Variants in ATRNL1 observed in about 807,000 individuals in gnomAD.
The protein encoded by ATRNL1 is attractin like 1.
In ATRNL1, 95 loss-of-function variants were observed where a neutral mutation model predicts 182.7. The observed-to-expected ratio is 0.52, with a 90% CI of 0.44 to 0.62. The LOEUF (loss-of-function observed/expected upper bound fraction) is 0.62, where lower values mean the gene tolerates loss of function less well. Ranked by LOEUF, ATRNL1 falls within the 20% of genes least tolerant of loss-of-function variation. ATRNL1 has a pLI of 0.00. For synonymous variants in ATRNL1, 576 were observed against 568.3 expected (o/e 1.01, Z -0.19); for missense variants, 1,471 against 1,679.5 (o/e 0.88, Z 2.17).
intron 19 of ATRNL1, among the ~76,000 whole-genome samples, chr10:115,369,400 G>T (rs563986730): frequency 2.0e-5 from 3 of 152,130 alleles, no homozygotes; most frequent in Non-Finnish European, 4.4e-5. Context: ...GAGGGATTCT[G>T]TGAGCGGGAT....
intron 27 of ATRNL1, among the ~76,000 whole-genome samples, chr10:115,837,054 T>A (rs1454355681): frequency 1.3e-5 from 2 of 152,290 alleles, no homozygotes; most frequent in East Asian, 3.9e-4. Context: ...CCATTAATTT[T>A]TAGTCATACT....
intron 8 of ATRNL1, among the ~76,000 whole-genome samples, chr10:115,184,820 C>T (rs11197107): frequency 0.21 from 31,765 of 151,552 alleles, 4,269 homozygotes; most frequent in Non-Finnish European, 0.3. Flanking sequence ...CATTCTGAAA[C>T]GGGATGAAAA....
At chr10:115,131,270 A>G (rs1159975626) in intron 5 of ATRNL1, among the ~76,000 whole-genome samples, 3 of 152,112 alleles carry the variant, frequency 2.0e-5, no homozygotes, top group African/African-American at 4.8e-5. Context: ...TTATAACTAC[A>G]TATATATTTT....
At position 115,093,690 on chromosome 10, in the gene ATRNL1, T is replaced by G. The variant is rs1355907951; in HGVS notation, c.-61T>G. On this transcript the variant is annotated 5_prime_UTR_variant, in exon 1 of 29. Transcript: ENST00000355044. The surrounding 1 kb of genome is among the most constrained non-coding windows in gnomAD (Gnocchi z 6.1). ...AGGTTTTCTGCGGCCGGAATTCCCT[T>G]CAACAGCATCCCTGTCGGCGCCCGC... 1.4e-6 allele frequency: 2 copies of G among 1,426,990 alleles called. No homozygotes were observed. The highest frequency in any genetic ancestry group is 1.5e-5 in the African/African-American group (1 of 66,750). The allele number at this position is 1,426,990 out of a possible 1,614,324, so 88.4% of individuals were successfully genotyped here. A position where few individuals can be genotyped will look rare whatever the true frequency, so the allele number is the denominator to read the frequency against.
chr10:115,564,889 TAATA>T lies in ATRNL1; in HGVS notation c.3795+15357_3795+15360del, dbSNP rs782709010. On this transcript the variant is annotated intron_variant, in intron 26 of 28. Transcript: ENST00000355044. ...ATTTTTGCATGTAACTGTAAAGTTC[TAATA>T]AATTATTATAATTCTGAATTATTTT... Among the ~76,000 whole-genome samples the T allele has an allele frequency of 1.4e-4, 22 of 152,170 alleles. No homozygotes were observed. The East Asian group carries it at 4.2e-3, about 29-fold the overall frequency.
chr10:115,095,792 T>C (rs2143355527), intron 1 of ATRNL1, among the ~76,000 whole-genome samples: 1 of 152,278 alleles, frequency 6.6e-6, no homozygotes, highest in South Asian at 2.1e-4. Flanking sequence ...TGTAAACTGG[T>C]AGTCAGCAGT....
chr10:115,411,625 G>A (rs555729358), intron 20 of ATRNL1, among the ~76,000 whole-genome samples: 1 of 152,064 alleles, frequency 6.6e-6, no homozygotes, highest in South Asian at 2.1e-4. Flanking sequence ...GTTTTTATCA[G>A]TCTTGAAGGG....
At chr10:115,920,790 A>G (rs1210221406) in intron 28 of ATRNL1, among the ~76,000 whole-genome samples, 3 of 152,252 alleles carry the variant, frequency 2.0e-5, no homozygotes, top group Non-Finnish European at 2.9e-5. Context: ...CATAAAAAGA[A>G]GTCGTTTAAA....
At chr10:115,858,371 G>C (rs560416311) in intron 28 of ATRNL1, among the ~76,000 whole-genome samples, 47 of 152,264 alleles carry the variant, frequency 3.1e-4, no homozygotes, top group African/African-American at 1.1e-3. Flanking sequence ...AAAAAGGAAT[G>C]AGATCATGTC....
At chr10:115,640,334 C>T (rs1364346048) in intron 26 of ATRNL1, among the ~76,000 whole-genome samples, 1 of 152,160 alleles carries the variant, frequency 6.6e-6, no homozygotes, top group Non-Finnish European at 1.5e-5. Flanking sequence ...GGTTCTAGAT[C>T]ATTGAGGAAT....
Position 115,781,742 on chromosome 10 carries a change from G to A in ATRNL1, c.3903+54387G>A, listed in dbSNP as rs186245221. On this transcript the variant is annotated intron_variant, in intron 27 of 28. Transcript: ENST00000355044. ...TTTTTCTCCTTTAATATGGGTGATG[G>A]TTACATAGGCCTGTTCCCTTCATAA... Among the ~76,000 whole-genome samples the A allele has an allele frequency of 3.3e-5, 5 of 152,210 alleles. No homozygotes were observed. The East Asian group carries it at 9.7e-4, about 29-fold the overall frequency.
intron 21 of ATRNL1, among the ~76,000 whole-genome samples, chr10:115,456,827 A>G (rs1437976560): frequency 1.3e-5 from 2 of 152,080 alleles, no homozygotes; most frequent in East Asian, 3.9e-4. Flanking sequence ...GTCTCACTTC[A>G]GATGCATGCT....
At chr10:115,908,239 G>A (rs1258080827) in intron 28 of ATRNL1, among the ~76,000 whole-genome samples, 1 of 152,136 alleles carries the variant, frequency 6.6e-6, no homozygotes, top group African/African-American at 2.4e-5. Flanking sequence ...CCACGACCTA[G>A]GCAGCTTTAA....
chr10:115,397,701 A>G (rs544430834), intron 20 of ATRNL1, among the ~76,000 whole-genome samples: 115 of 152,070 alleles, frequency 7.6e-4, no homozygotes, highest in Non-Finnish European at 1.4e-3. Flanking sequence ...ATAGGAAACA[A>G]GGGGAAATGC....
At chr10:115,515,558 A>G (rs978794685) in intron 24 of ATRNL1, among the ~76,000 whole-genome samples, 1 of 151,758 alleles carries the variant, frequency 6.6e-6, no homozygotes, top group East Asian at 1.9e-4. Context: ...AGATTTTTAA[A>G]ATACTTTCTC....
chr10:115,257,676 T>C (rs1432828025), intron 10 of ATRNL1, among the ~76,000 whole-genome samples: 57 of 152,238 alleles, frequency 3.7e-4, no homozygotes, highest in Admixed American at 3.7e-3. Context: ...ATTTTGCCTG[T>C]TAATTGATGC....
chr10:115,313,700 T>C (rs1554928687), intron 17 of ATRNL1, among the ~76,000 whole-genome samples: 1 of 152,186 alleles, frequency 6.6e-6, no homozygotes. Context: ...GAAAAGATAG[T>C]TTTAAAATAA....
chr10:115,878,481 T>C (rs1951747672), intron 28 of ATRNL1, among the ~76,000 whole-genome samples: 1 of 152,338 alleles, frequency 6.6e-6, no homozygotes, highest in South Asian at 2.1e-4. Context: ...TGAAGGGTTC[T>C]GAACTTGCAG....
At position 115,728,110 on chromosome 10, in the gene ATRNL1, C is replaced by CT. The variant is rs1409378507; in HGVS notation, c.3903+756dup. Among the ~76,000 whole-genome samples the CT allele has an allele frequency of 8.0e-5, 6 of 75,118 alleles. No homozygotes were observed. In the South Asian group the frequency reaches 2.7e-3, roughly 34 times the overall value. The allele number at this position is 75,118 out of a possible 152,430, so 49.3% of individuals were successfully genotyped here. On this transcript the variant is annotated intron_variant, in intron 27 of 28. Coordinates refer to ENST00000355044, the MANE Select transcript of ATRNL1 (RefSeq NM_207303.4). ...CTAACATGGTGAAACCCCGTCTCTA[C>CT]TAAAAAAAAAAAAAAAAGAAAAAAA... is the stretch of plus-strand genomic sequence containing the variant.
Sources: allele counts gnomAD v4.1 joint callset (sites outside exome capture counted in the v4.1 genomes callset), GRCh38; gene constraint gnomAD v4.1.1; non-coding constraint Gnocchi (gnomAD v3.1); transcripts MANE v1.5; gene names NCBI Gene and HGNC (gene_info 2026-07-23, HGNC 2026-07-21).